AHI1: variants seen among roughly 807,000 people sequenced by gnomAD.
AHI1 encodes jouberin.
A neutral mutation model predicts 149.3 loss-of-function variants in AHI1; 123 were observed. The ratio of observed to expected loss-of-function variants is 0.82; its 90% CI spans 0.71 to 0.96. The LOEUF is 0.96. Ranked by LOEUF, AHI1 falls within the 40% of genes least tolerant of loss-of-function variation. The pLI is 0.00. For missense variants in AHI1, 1,439 were observed against 1,422.7 expected (o/e 1.01, Z -0.18); for synonymous variants, 475 against 459.8 (o/e 1.03, Z -0.42).
chr6:135,316,467 G>C (rs1382899892), intron 26 of AHI1, among the ~76,000 whole-genome samples: 1 of 151,920 alleles, frequency 6.6e-6, no homozygotes, highest in East Asian at 1.9e-4. Flanking sequence ...AAGCTACCAG[G>C]GTCCTCTTGA....
At chr6:135,355,897 T>A (rs565634588) in intron 24 of AHI1, among the ~76,000 whole-genome samples, 1 of 150,894 alleles carries the variant, frequency 6.6e-6, no homozygotes, top group African/African-American at 2.5e-5. Context: ...AGACTCTGTC[T>A]CAAAAAAACA....
At chr6:135,390,241 C>A (rs2128479305) in intron 23 of AHI1, among the ~76,000 whole-genome samples, 1 of 152,174 alleles carries the variant, frequency 6.6e-6, no homozygotes, top group East Asian at 1.9e-4. Flanking sequence ...CTGGAGACTA[C>A]ATACCATAAT....
In AHI1 at chr6:135,479,824, G is replaced by A. The variant is rs144564771; in HGVS notation, c.135+10799C>T. Among the ~76,000 whole-genome samples, 7 of 152,328 alleles carry A rather than the reference G, an allele frequency of 4.6e-5. No homozygotes were observed. In the East Asian group the frequency reaches 9.6e-4, roughly 21 times the overall value. On this transcript the variant is annotated intron_variant, in intron 5 of 28. Coordinates refer to ENST00000265602, the MANE Select transcript of AHI1 (RefSeq NM_001134831.2). Reference sequence around the variant, plus strand: ...CATGATGAATTACCACATGTTGAAAGAGGCACCAGGTGGGAGGTGACTGAA... The same window carrying A: ...CATGATGAATTACCACATGTTGAAAAAGGCACCAGGTGGGAGGTGACTGAA...
chr6:135,344,928 A>T (rs1298100271), intron 24 of AHI1, among the ~76,000 whole-genome samples: 2 of 145,256 alleles, frequency 1.4e-5, no homozygotes, highest in African/African-American at 2.6e-5. Context: ...GCTCTGATTC[A>T]CACACACACA....
chr6:135,321,582 G>A (rs577344727), intron 25 of AHI1, among the ~76,000 whole-genome samples: 10 of 152,252 alleles, frequency 6.6e-5, no homozygotes, highest in South Asian at 6.2e-4. Flanking sequence ...CGGTAATCAC[G>A]AAGGAAATTC....
intron 24 of AHI1, among the ~76,000 whole-genome samples, chr6:135,352,935 T>C: frequency 6.6e-6 from 1 of 151,726 alleles, no homozygotes; most frequent in Non-Finnish European, 1.5e-5. Context: ...AAAATTCAAT[T>C]TATGCTGCTG....
rs532646343 is a variant in AHI1 at position 135,461,129 on chromosome 6, T to C, written c.931+1996A>G. On this transcript the variant is annotated intron_variant, in intron 8 of 28. Transcript: ENST00000265602. ...TGAGAGAGAAATAATCAAACCAGAG[T>C]AGGACGACATTTGCGATATAAATGT... Among the ~76,000 whole-genome samples the C allele has an allele frequency of 1.5e-3, 226 of 151,958 alleles. 3 individuals carry two copies. The highest frequency in any genetic ancestry group is 5.2e-3 in the African/African-American group (217 of 41,376).
intron 20 of AHI1, among the ~76,000 whole-genome samples, chr6:135,424,973 A>G (rs1232701829): frequency 6.6e-6 from 1 of 151,994 alleles, no homozygotes; most frequent in Non-Finnish European, 1.5e-5. Context: ...ACATAAGACA[A>G]AACTCTAATA....
chr6:135,327,873 A>G (rs1787941623), intron 24 of AHI1, among the ~76,000 whole-genome samples: 1 of 152,210 alleles, frequency 6.6e-6, no homozygotes, highest in East Asian at 1.9e-4. Context: ...AGGTCAAAGA[A>G]GCTTCCCCTC....
intron 26 of AHI1, among the ~76,000 whole-genome samples, chr6:135,309,483 GTTT>G (rs534230013): frequency 7.2e-6 from 1 of 139,572 alleles, no homozygotes. Flanking sequence ...AAGCACTTTA[GTTT>G]TTTTTTTTTT....
At chr6:135,406,343 A>G (rs1279931780) in intron 21 of AHI1, among the ~76,000 whole-genome samples, 1 of 152,206 alleles carries the variant, frequency 6.6e-6, no homozygotes, top group Non-Finnish European at 1.5e-5. Context: ...TTCAGTCACT[A>G]AAAGGAGACA....
rs142099581 is a variant in AHI1 at position 135,438,095 on chromosome 6, C to T, written c.2036+280G>A. 4.5e-4 allele frequency among the ~76,000 whole-genome samples: 69 copies of T among 152,174 alleles called. No individual in the cohort carries two copies. In the East Asian group the frequency reaches 0.012, roughly 26 times the overall value. On this transcript the variant is annotated intron_variant, in intron 15 of 28. Coordinates refer to ENST00000265602, the MANE Select transcript of AHI1 (RefSeq NM_001134831.2). ...AAAAATCTCAAGTGTTTAATAACCC[C>T]TAACCCCATCTCAAAGCATTAATCA...
intron 4 of AHI1, among the ~76,000 whole-genome samples, chr6:135,491,620 T>TC (rs1198537716): frequency 6.6e-6 from 1 of 152,224 alleles, no homozygotes; most frequent in Non-Finnish European, 1.5e-5. Context: ...ATTTTCTGTT[T>TC]CCCCCATAAC....
chr6:135,320,164 G>A (rs897332503), intron 25 of AHI1, among the ~76,000 whole-genome samples: 9 of 152,046 alleles, frequency 5.9e-5, no homozygotes, highest in Non-Finnish European at 2.9e-5. Flanking sequence ...AAAGGGAAAG[G>A]GAAATAACCC....
At chr6:135,479,594 T>C (rs1225526978) in intron 5 of AHI1, among the ~76,000 whole-genome samples, 1 of 152,212 alleles carries the variant, frequency 6.6e-6, no homozygotes, top group African/African-American at 2.4e-5. Context: ...TTTTTTTTAT[T>C]TTACAGGCTC....
intron 26 of AHI1, among the ~76,000 whole-genome samples, chr6:135,317,350 C>T (rs1194556160): frequency 3.3e-5 from 5 of 151,472 alleles, no homozygotes; most frequent in Non-Finnish European, 5.9e-5. Context: ...CTGTACTTCT[C>T]TCTATTAGAA....
chr6:135,394,579 A>ATC, intron 23 of AHI1, 197 bp downstream of exon 23: 2 of 654,402 alleles, frequency 3.1e-6, no homozygotes, highest in Non-Finnish European at 5.1e-6. Flanking sequence ...GGTTCAGTGT[A>ATC]TCTACTGTTA....
chr6:135,327,153 A>G (rs1372339146), intron 24 of AHI1, among the ~76,000 whole-genome samples: 1 of 152,216 alleles, frequency 6.6e-6, no homozygotes, highest in Non-Finnish European at 1.5e-5. Context: ...AAAACCACCC[A>G]GTCTGTGGTA....
At chr6:135,340,650 C>CATATATATAT (rs1381069276) in intron 24 of AHI1, among the ~76,000 whole-genome samples, 2 of 52,650 alleles carry the variant, frequency 3.8e-5, no homozygotes, top group East Asian at 5.7e-4. Flanking sequence ...CATATATATA[C>CATATATATAT]ATACATACAT....
Sources: allele counts gnomAD v4.1 joint callset (sites outside exome capture counted in the v4.1 genomes callset), GRCh38; gene constraint gnomAD v4.1.1; transcripts MANE v1.5; gene names NCBI Gene and HGNC (gene_info 2026-07-23, HGNC 2026-07-21).